Variants in FGF12 observed in about 807,000 individuals in gnomAD.
FGF12 encodes fibroblast growth factor 12.
FGF12 carries 14 observed loss-of-function variants against 23.6 expected under a neutral mutation model. That is an observed-to-expected ratio of 0.59 (90% CI 0.39 to 0.93). The LOEUF (loss-of-function observed/expected upper bound fraction) is 0.93, where lower values mean the gene tolerates loss of function less well. FGF12 is among the 40% of genes least tolerant of loss of function. The probability of loss-of-function intolerance (pLI) is 0.00; values close to 1 mark genes in which losing one functional copy is unlikely to be tolerated. For missense variants in FGF12, 175 were observed against 217.8 expected (o/e 0.80, Z 1.24); for synonymous variants, 62 against 77.3 (o/e 0.80, Z 1.04).
At chr3:192,296,579 C>A (rs561834396) in intron 4 of FGF12, among the ~76,000 whole-genome samples, 1 of 152,226 alleles carries the variant, frequency 6.6e-6, no homozygotes, top group South Asian at 2.1e-4. Context: ...TAAGAAAATA[C>A]AACATCCTAA....
At chr3:192,587,183 C>A (rs1189378860) in intron 2 of FGF12, among the ~76,000 whole-genome samples, 1 of 148,508 alleles carries the variant, frequency 6.7e-6, no homozygotes, top group Non-Finnish European at 1.5e-5. Context: ...AAAGACATTA[C>A]CTTCTGGTAG....
intron 2 of FGF12, among the ~76,000 whole-genome samples, chr3:192,361,850 T>C (rs142138822): frequency 6.6e-6 from 1 of 152,318 alleles, no homozygotes; most frequent in African/African-American, 2.4e-5. Context: ...ACACATCTTT[T>C]TCAAAGCAGT....
intron 4 of FGF12, among the ~76,000 whole-genome samples, chr3:192,193,017 A>C (rs1716878907): frequency 6.6e-6 from 1 of 152,126 alleles, no homozygotes; most frequent in East Asian, 1.9e-4. Flanking sequence ...TCTTTTTGGG[A>C]GGTAGGAAGA....
chr3:192,669,468 TC>T (rs1717024526), intron 2 of FGF12, among the ~76,000 whole-genome samples: 1 of 151,770 alleles, frequency 6.6e-6, no homozygotes, highest in Non-Finnish European at 1.5e-5. Context: ...GGACCTATAG[TC>T]CCAGCTACTT....
In FGF12 at chr3:192,285,509, T is replaced by C. The variant is rs144545122; in HGVS notation, c.228+49852A>G. ...TGCTCCTGTATTTTTTTTTCAAAAA[T>C]GGCCTATGTAAATAAGCATTTTTCT... is the stretch of plus-strand genomic sequence containing the variant. On this transcript the variant is annotated intron_variant, in intron 4 of 5. Coordinates refer to ENST00000445105, the MANE Select transcript of FGF12 (RefSeq NM_004113.6). 2.2e-3 allele frequency among the ~76,000 whole-genome samples: 337 copies of C among 152,168 alleles called. 2 individuals are homozygous for C. The highest frequency in any genetic ancestry group is 5.5e-3 in the African/African-American group (230 of 41,548).
chr3:192,630,290 A>G (rs1411916582), intron 2 of FGF12, among the ~76,000 whole-genome samples: 1 of 152,176 alleles, frequency 6.6e-6, no homozygotes, highest in East Asian at 1.9e-4. Flanking sequence ...GAGCCAATTA[A>G]ATCTCTTTTC....
chr3:192,726,403 T>C (rs575347734), intron 2 of FGF12, among the ~76,000 whole-genome samples: 14 of 152,282 alleles, frequency 9.2e-5, no homozygotes, highest in African/African-American at 2.9e-4. Flanking sequence ...CCTGCATAGA[T>C]GGGGTTAAAT....
rs541986970 is a variant in FGF12 at position 192,571,947 on chromosome 3, T to G, written c.13+155234A>C. ...TGGTCCTTAGCACTATTGCTGTTTT[T>G]TTTTTTTTTTTAATTTTAGTTGTAA... On this transcript the variant is annotated intron_variant, in intron 2 of 5. Transcript: ENST00000445105. 3.9e-5 allele frequency among the ~76,000 whole-genome samples: 6 copies of G among 152,116 alleles called. No individual in the cohort carries two copies. In the East Asian group the frequency reaches 7.7e-4, roughly 20 times the overall value.
At chr3:192,415,079 A>C (rs991693804) in intron 2 of FGF12, among the ~76,000 whole-genome samples, 1 of 152,284 alleles carries the variant, frequency 6.6e-6, no homozygotes, top group Admixed American at 6.5e-5. Flanking sequence ...GAAGCTTATA[A>C]GGGGAAAAAT....
At chr3:192,582,434 A>G (rs955154253) in intron 2 of FGF12, among the ~76,000 whole-genome samples, 4 of 152,174 alleles carry the variant, frequency 2.6e-5, no homozygotes, top group Non-Finnish European at 5.9e-5. Flanking sequence ...CTTAATACAT[A>G]GTTTAGCAAG....
chr3:192,263,818 A>G (rs1166394432), intron 4 of FGF12, among the ~76,000 whole-genome samples: 2 of 152,118 alleles, frequency 1.3e-5, no homozygotes, highest in African/African-American at 4.8e-5. Context: ...AATACCCTAC[A>G]GATTTTAGGA....
intron 2 of FGF12, among the ~76,000 whole-genome samples, chr3:192,532,334 T>C (rs568204331): frequency 6.6e-6 from 1 of 152,312 alleles, no homozygotes; most frequent in Admixed American, 6.5e-5. Context: ...TGTAGATTGC[T>C]TTGAGCAGTA....
intron 2 of FGF12, among the ~76,000 whole-genome samples, chr3:192,407,722 T>TGAA (rs67940766): frequency 0.46 from 66,390 of 145,774 alleles, 15,433 homozygotes; most frequent in East Asian, 0.65. Context: ...AATGAATGAA[T>TGAA]TAATGAATGA....
chr3:192,664,462 C>T (rs944544829), intron 2 of FGF12, among the ~76,000 whole-genome samples: 9 of 151,864 alleles, frequency 5.9e-5, no homozygotes, highest in East Asian at 5.8e-4. Context: ...TTAAAAGTCA[C>T]CAAAGGCGGG....
intron 2 of FGF12, among the ~76,000 whole-genome samples, chr3:192,401,897 G>A (rs1720775288): frequency 6.6e-6 from 1 of 152,156 alleles, no homozygotes; most frequent in South Asian, 2.1e-4. Context: ...CTGTCTGCCT[G>A]TTTCATCTTT....
chr3:192,471,059 T>G (rs138796954), intron 2 of FGF12, among the ~76,000 whole-genome samples: 1 of 152,228 alleles, frequency 6.6e-6, no homozygotes, highest in Non-Finnish European at 1.5e-5. Flanking sequence ...TTACTTTACA[T>G]GATGACTTTC....
chr3:192,512,859 T>TATATATATATATATATATATATAAAA (rs376386122), intron 2 of FGF12, among the ~76,000 whole-genome samples: 10 of 57,418 alleles, frequency 1.7e-4, no homozygotes, highest in African/African-American at 4.6e-4. Context: ...TATATATATA[T>TATATATATATATATATATATATAAAA]AACAGGCTAT....
chr3:192,331,276 A>G (rs565461015), intron 4 of FGF12, among the ~76,000 whole-genome samples: 1 of 145,138 alleles, frequency 6.9e-6, no homozygotes, highest in African/African-American at 2.5e-5. Context: ...AGGTAAAATG[A>G]TGCTGCTGAT....
intron 2 of FGF12, among the ~76,000 whole-genome samples, chr3:192,393,440 A>C (rs915712477): frequency 6.6e-6 from 1 of 152,196 alleles, no homozygotes. Context: ...ACTGACTGTT[A>C]TGACATTTTC....
Sources: gnomAD v4.1 joint callset for allele counts (sites outside exome capture counted in the v4.1 genomes callset) on GRCh38, gnomAD v4.1.1 for gene constraint, MANE v1.5 for transcripts, NCBI Gene and HGNC (gene_info 2026-07-23, HGNC 2026-07-21) for gene names.